QTRT2: variants seen among roughly 807,000 people sequenced by gnomAD.
The protein encoded by QTRT2 is queuine tRNA-ribosyltransferase accessory subunit 2, also known as queuine tRNA-ribosyltransferase domain containing 1.
A neutral mutation model predicts 44.8 loss-of-function variants in QTRT2; 32 were observed. The observed-to-expected ratio is 0.71, with a 90% CI of 0.54 to 0.96. QTRT2 has a LOEUF of 0.96. Ranked by LOEUF, QTRT2 falls within the 40% of genes least tolerant of loss-of-function variation. The probability of loss-of-function intolerance (pLI) is 0.00; values close to 1 mark genes in which losing one functional copy is unlikely to be tolerated. For missense variants in QTRT2, 461 were observed against 503.1 expected, an observed-to-expected ratio of 0.92 and a Z score of 0.80; for synonymous variants, 182 against 187.4, an observed-to-expected ratio of 0.97 and a Z score of 0.24.
At chr3:114,072,482 C>T (rs2077037102) in intron 6 of QTRT2, among the ~76,000 whole-genome samples, 1 of 152,156 alleles carries the variant, frequency 6.6e-6, no homozygotes, top group African/African-American at 2.4e-5. Flanking sequence ...TTCTTTGCTA[C>T]CCCTTTAATT....
chr3:114,069,271 G>T (rs2076994152), intron 5 of QTRT2, among the ~76,000 whole-genome samples: 1 of 151,924 alleles, frequency 6.6e-6, no homozygotes, highest in Non-Finnish European at 1.5e-5. Flanking sequence ...TGTTTCGGGG[G>T]TACGTGTAAA....
chr3:114,079,239 G>A (rs2077131738), intron 7 of QTRT2: 1 of 152,142 alleles, frequency 6.6e-6, no homozygotes, highest in Non-Finnish European at 1.5e-5. Context: ...ACTTCTCTCT[G>A]GGATCAGAAA....
At chr3:114,064,800 T>C (rs1287815787) in intron 2 of QTRT2, among the ~76,000 whole-genome samples, 2 of 152,228 alleles carry the variant, frequency 1.3e-5, no homozygotes, top group East Asian at 3.8e-4. Context: ...ATTGCTATAT[T>C]GCTTAGCCTT....
chr3:114,057,216 G>T (rs1214246143), intron 2 of QTRT2, 110 bp downstream of exon 2: 4 of 339,622 alleles, frequency 1.2e-5, no homozygotes, highest in African/African-American at 8.6e-5. Context: ...GATGGCCCAT[G>T]GAGCAAAGAT....
At chr3:114,068,277 T>C (rs1318932335) in intron 5 of QTRT2, 1 of 404,124 alleles carries the variant, frequency 2.5e-6, no homozygotes, top group Non-Finnish European at 4.6e-6. Context: ...CCTCAGCATT[T>C]TCATTGTTGC....
At chr3:114,060,778 T>C (rs1241997979) in intron 2 of QTRT2, among the ~76,000 whole-genome samples, 1 of 152,182 alleles carries the variant, frequency 6.6e-6, no homozygotes, top group Non-Finnish European at 1.5e-5. Context: ...CTTTGGCATA[T>C]CCGTATTGCC....
chr3:114,076,260 G>A (rs570795852), intron 6 of QTRT2, among the ~76,000 whole-genome samples: 3 of 152,132 alleles, frequency 2.0e-5, no homozygotes, highest in South Asian at 2.1e-4. Context: ...TTCGCCTCCC[G>A]GGCTCAAGCC....
At chr3:114,075,146 CTG>C (rs1347811651) in intron 6 of QTRT2, among the ~76,000 whole-genome samples, 1 of 152,170 alleles carries the variant, frequency 6.6e-6, no homozygotes, top group East Asian at 1.9e-4. Context: ...GATTTTTACT[CTG>C]TGTTTATCAG....
intron 2 of QTRT2, among the ~76,000 whole-genome samples, chr3:114,062,635 T>C (rs1175697209): frequency 6.6e-6 from 1 of 152,186 alleles, no homozygotes; most frequent in Non-Finnish European, 1.5e-5. Flanking sequence ...GCAATGGGGT[T>C]TGTTGTTTTT....
At chr3:114,059,440 AT>A (rs1364232800) in intron 2 of QTRT2, among the ~76,000 whole-genome samples, 1 of 152,244 alleles carries the variant, frequency 6.6e-6, no homozygotes, top group Admixed American at 6.5e-5. Flanking sequence ...GTTTTTAAAA[AT>A]ATGTACATGA....
chr3:114,058,751 G>A (rs567279270), intron 2 of QTRT2, among the ~76,000 whole-genome samples: 1 of 152,184 alleles, frequency 6.6e-6, no homozygotes, highest in South Asian at 2.1e-4. Context: ...GGCTGGTCTC[G>A]AACTCCTGAC....
At chr3:114,073,061 A>G (rs1385017295) in intron 6 of QTRT2, among the ~76,000 whole-genome samples, 1 of 152,236 alleles carries the variant, frequency 6.6e-6, no homozygotes, top group Non-Finnish European at 1.5e-5. Context: ...TTTGGCTAAT[A>G]AAGTTAATAT....
At chr3:114,078,585 A>C (rs2077123879) in intron 7 of QTRT2, 2 of 152,204 alleles carry the variant, frequency 1.3e-5, no homozygotes, top group Admixed American at 6.5e-5. Context: ...AACCTGGCCG[A>C]GTGCCATTAA....
intron 6 of QTRT2, among the ~76,000 whole-genome samples, chr3:114,073,482 C>T (rs1484665218): frequency 2.0e-5 from 3 of 152,082 alleles, no homozygotes; most frequent in Non-Finnish European, 2.9e-5. Flanking sequence ...CAGGTTCAAG[C>T]GATTCTCCTG....
At chr3:114,082,357 A>G (rs1312689950) in intron 8 of QTRT2, among the ~76,000 whole-genome samples, 2 of 152,200 alleles carry the variant, frequency 1.3e-5, no homozygotes, top group African/African-American at 2.4e-5. Context: ...TTTTGGGATT[A>G]TAGGCATGAG....
At position 114,087,614 on chromosome 3, in the gene QTRT2, A is replaced by T. The variant is rs1486777907; in HGVS notation, c.*1710A>T. 6.6e-6 allele frequency: 1 copy of T among 152,268 alleles called. No homozygotes were observed. The highest frequency in any genetic ancestry group is 1.5e-5 in the Non-Finnish European group (1 of 68,144). The allele number at this position is 152,268 out of a possible 1,614,324, so 9.4% of individuals were successfully genotyped here. ...AGGATGGTCTCGATCTCCTGACCTCATGATCCACAAGACTGGGTAATCTGT... is the reference window on the plus strand; with the variant it reads ...AGGATGGTCTCGATCTCCTGACCTCTTGATCCACAAGACTGGGTAATCTGT... On this transcript the variant is annotated 3_prime_UTR_variant, in exon 10 of 10. Coordinates refer to ENST00000281273, the MANE Select transcript of QTRT2 (RefSeq NM_024638.4).
chr3:114,064,443 G>C (rs1318851049), intron 2 of QTRT2, among the ~76,000 whole-genome samples: 2 of 152,188 alleles, frequency 1.3e-5, no homozygotes, highest in Non-Finnish European at 2.9e-5. Context: ...GTGGAACCCA[G>C]TATTTTGCTT....
chr3:114,068,566 T>C (rs753177185), intron 5 of QTRT2, among the ~76,000 whole-genome samples: 1 of 152,194 alleles, frequency 6.6e-6, no homozygotes, highest in African/African-American at 2.4e-5. Flanking sequence ...GGTGGCCCCA[T>C]TGGCATTATC....
chr3:114,067,850 C>T, intron 4 of QTRT2, 137 bp from the exon 5 acceptor site: 1 of 641,970 alleles, frequency 1.6e-6, no homozygotes, highest in Non-Finnish European at 2.8e-6. Flanking sequence ...TCTCTAATTC[C>T]AAGTTCAGAT....
Sources: allele counts gnomAD v4.1 joint callset (sites outside exome capture counted in the v4.1 genomes callset), GRCh38; gene constraint gnomAD v4.1.1; transcripts MANE v1.5; gene names NCBI Gene and HGNC (gene_info 2026-07-23, HGNC 2026-07-21).